Variants in TLE1 observed in about 807,000 individuals in gnomAD.
TLE1 encodes TLE family member 1, transcriptional corepressor.
A neutral mutation model predicts 89.8 loss-of-function variants in TLE1; 21 were observed. That is an observed-to-expected ratio of 0.23 (90% CI 0.17 to 0.34). The LOEUF (loss-of-function observed/expected upper bound fraction) is 0.34. Ranked by LOEUF, TLE1 falls within the 10% of genes least tolerant of loss-of-function variation. The pLI is 1.00. For missense variants in TLE1, 795 were observed against 1,031.2 expected (o/e 0.77, Z 3.14); for synonymous variants, 447 against 407.6 (o/e 1.10, Z -1.16).
At position 81,687,429 on chromosome 9, in the gene TLE1, C is replaced by T. The variant is rs749443972; in HGVS notation, c.30G>A (p.Pro10=). Residue 10 remains proline, a synonymous_variant, in exon 2 of 20, where the codon CCG becomes CCA. Transcript: ENST00000376499. The part of the protein sequence containing the change: MFPQSRHPT[P]HQAAGQPFKF... ...TGAAGGGCTGGCCTGCAGCCTGGTG[C>T]GGCGTCTGGGGGCGACCAGCGAGGG... The T allele has an allele frequency of 6.8e-6, 11 of 1,608,392 alleles. No individual in the cohort carries two copies. The highest frequency in any genetic ancestry group is 1.1e-5 in the South Asian group (1 of 89,708).
chr9:81,658,233 A>T (rs923554907), intron 4 of TLE1, among the ~76,000 whole-genome samples: 61 of 151,944 alleles, frequency 4.0e-4, no homozygotes, highest in Non-Finnish European at 7.8e-4. Context: ...AATGTTTTTT[A>T]AAAAAAAGTA....
intron 4 of TLE1, among the ~76,000 whole-genome samples, chr9:81,655,491 A>G (rs1169359386): frequency 2.0e-5 from 3 of 152,140 alleles, no homozygotes; most frequent in African/African-American, 7.2e-5. Context: ...AGCCCAGGGA[A>G]GGGTCCACCT....
intron 4 of TLE1, among the ~76,000 whole-genome samples, chr9:81,655,387 G>A (rs1460203477): frequency 6.6e-6 from 1 of 151,892 alleles, no homozygotes; most frequent in Non-Finnish European, 1.5e-5. Context: ...AAAGAAGGCT[G>A]GAAAAACCTT....
intron 8 of TLE1, chr9:81,620,883 G>A (rs11139343): frequency 0.18 from 109,983 of 625,800 alleles, 10,739 homozygotes; most frequent in East Asian, 0.25. Flanking sequence ...TTCCCACTGC[G>A]ACTTCCTGGT....
At chr9:81,677,620 C>G (rs1033182848) in intron 4 of TLE1, among the ~76,000 whole-genome samples, 9 of 151,104 alleles carry the variant, frequency 6.0e-5, no homozygotes, top group Non-Finnish European at 2.9e-5. Flanking sequence ...AAGCTTTTCA[C>G]CAAGAGGTTG....
chr9:81,634,013 G>A, intron 7 of TLE1, 84 bp downstream of exon 7: 1 of 1,408,864 alleles, frequency 7.1e-7, no homozygotes, highest in Non-Finnish European at 9.6e-7. Context: ...TATAGGTTGG[G>A]GCTCTCTTTA....
At chr9:81,629,479 T>C (rs908581218) in intron 8 of TLE1, among the ~76,000 whole-genome samples, 3 of 152,188 alleles carry the variant, frequency 2.0e-5, no homozygotes, top group Non-Finnish European at 4.4e-5. Flanking sequence ...CAAACCTCTA[T>C]AAAGTTGCTA....
chr9:81,667,016 T>C (rs1831554174), intron 4 of TLE1, among the ~76,000 whole-genome samples: 1 of 151,784 alleles, frequency 6.6e-6, no homozygotes, highest in East Asian at 2.0e-4. Context: ...CTACTGGGGA[T>C]GCTTAGGCAA....
intron 8 of TLE1, among the ~76,000 whole-genome samples, chr9:81,632,106 A>G (rs1016400586): frequency 5.5e-5 from 8 of 145,512 alleles, no homozygotes; most frequent in Admixed American, 1.4e-4. Flanking sequence ...AAAAAAGACT[A>G]TCTATAGGAA....
At position 81,587,743 on chromosome 9, in the gene TLE1, T is replaced by A. The variant is rs770981636; in HGVS notation, c.1915A>T (p.Thr639Ser). 2 of 1,614,146 alleles carry A rather than the reference T, an allele frequency of 1.2e-6. No individual in the cohort carries two copies. Among genetic ancestry groups the A allele is most frequent in the Admixed American group, 3.3e-5 (2 of 60,022 alleles). Residue 639 changes from threonine (T) to serine (S), a missense_variant, in exon 17 of 20, where the codon ACA becomes TCA. Thr to Ser is a moderately conservative substitution (Grantham distance 58). This residue lies in a region of TLE1 where 214 missense variants were observed against 354.9 expected (regional missense o/e 0.60). Transcript: ENST00000376499. ...TCGCGCAGGTCCCAGGACCTGACTG[T>A]GTTGTCCAAACCACCCGTCCAGAGC... ...TKLWTGGLDN[T>S]VRSWDLREGR...
At chr9:81,625,617 C>A (rs1825800500) in intron 8 of TLE1, among the ~76,000 whole-genome samples, 1 of 152,080 alleles carries the variant, frequency 6.6e-6, no homozygotes, top group South Asian at 2.1e-4. Flanking sequence ...TAAGAACTTA[C>A]AATGTAAGTA....
chr9:81,598,722 T>C (rs1830530448), intron 14 of TLE1, among the ~76,000 whole-genome samples: 1 of 149,256 alleles, frequency 6.7e-6, no homozygotes, highest in African/African-American at 2.4e-5. Flanking sequence ...TGGTAGCAGT[T>C]TCCTAAGGGG....
chr9:81,591,562 G>A (rs1207960416), intron 15 of TLE1, among the ~76,000 whole-genome samples: 1 of 152,292 alleles, frequency 6.6e-6, no homozygotes, highest in South Asian at 2.1e-4. Context: ...CAAAGAACCT[G>A]ATAAAAGCAG....
intron 8 of TLE1, among the ~76,000 whole-genome samples, chr9:81,630,946 A>G: frequency 6.6e-6 from 1 of 152,256 alleles, no homozygotes; most frequent in South Asian, 2.1e-4. Context: ...TTAGGTTACA[A>G]TTAGTGTAGT....
intron 4 of TLE1, among the ~76,000 whole-genome samples, chr9:81,666,474 G>A (rs931329788): frequency 6.6e-6 from 1 of 152,100 alleles, no homozygotes; most frequent in Non-Finnish European, 1.5e-5. Context: ...TTACAATTAT[G>A]AAACTAAAAT....
intron 4 of TLE1, among the ~76,000 whole-genome samples, chr9:81,683,521 G>A (rs774174866): frequency 1.5e-4 from 23 of 152,076 alleles, no homozygotes; most frequent in Non-Finnish European, 2.6e-4. Context: ...GTTTTAATAA[G>A]AATTATGATT....
At chr9:81,621,725 C>A (rs1250888358) in intron 8 of TLE1, among the ~76,000 whole-genome samples, 1 of 152,106 alleles carries the variant, frequency 6.6e-6, no homozygotes, top group Non-Finnish European at 1.5e-5. Context: ...AGCCAGGTGG[C>A]CAGCCCTCAA....
chr9:81,651,859 C>T (rs1029157025), intron 6 of TLE1, among the ~76,000 whole-genome samples: 6 of 152,018 alleles, frequency 3.9e-5, no homozygotes, highest in Non-Finnish European at 1.5e-5. Context: ...GGGTGCCTGC[C>T]TTTGGACCCA....
chr9:81,687,161 G>A (rs563489819), intron 2 of TLE1, among the ~76,000 whole-genome samples, 173 bp downstream of exon 2: 24 of 152,342 alleles, frequency 1.6e-4, no homozygotes, highest in Admixed American at 7.2e-4. Context: ...CAAGAGAAGA[G>A]GCGGCCCGGG....
Sources: allele counts gnomAD v4.1 joint callset (sites outside exome capture counted in the v4.1 genomes callset), GRCh38; gene constraint gnomAD v4.1.1; regional missense constraint gnomAD v4.1.1; transcripts MANE v1.5; gene names NCBI Gene and HGNC (gene_info 2026-07-23, HGNC 2026-07-21).